FSTL4: variants seen among roughly 807,000 people sequenced by gnomAD.
FSTL4 encodes follistatin like 4, also known as follistatin-related protein 4.
FSTL4 carries 28 observed loss-of-function variants against 78.2 expected under a neutral mutation model. The observed-to-expected ratio is 0.36, with a 90% confidence interval of 0.27 to 0.49. The LOEUF (loss-of-function observed/expected upper bound fraction) is 0.49. FSTL4 is among the 20% of genes least tolerant of loss of function. The probability of loss-of-function intolerance (pLI) is 0.98; values close to 1 mark genes in which losing one functional copy is unlikely to be tolerated. For missense variants in FSTL4, 922 were observed against 1,084.9 expected (o/e 0.85, Z 2.11); for synonymous variants, 422 against 440.5 (o/e 0.96, Z 0.53).
chr5:133,450,562 G>A (rs553058144), intron 3 of FSTL4, among the ~76,000 whole-genome samples: 6 of 152,356 alleles, frequency 3.9e-5, no homozygotes, highest in South Asian at 2.1e-4. Context: ...ATGAGCAATC[G>A]ACATAATTTA....
At chr5:133,330,192 A>G (rs769343710) in intron 4 of FSTL4, among the ~76,000 whole-genome samples, 1 of 152,178 alleles carries the variant, frequency 6.6e-6, no homozygotes, top group Non-Finnish European at 1.5e-5. Context: ...GGTTTATTTT[A>G]TGCTCATCAC....
At chr5:133,631,222 T>A in the FSTL4 span, among the ~76,000 whole-genome samples, 3 of 151,754 alleles carry the variant, frequency 2.0e-5, no homozygotes, top group Non-Finnish European at 4.4e-5. Flanking sequence ...ACCTACAGAA[T>A]GGGAGAATAT....
chr5:133,336,376 C>G (rs1754465944), intron 4 of FSTL4, among the ~76,000 whole-genome samples: 1 of 152,244 alleles, frequency 6.6e-6, no homozygotes. Flanking sequence ...CCCTGCTCTC[C>G]AGAAGCCCAT....
chr5:133,624,607 A>C, the FSTL4 span, among the ~76,000 whole-genome samples: 1 of 151,938 alleles, frequency 6.6e-6, no homozygotes, highest in Non-Finnish European at 1.5e-5. Flanking sequence ...CAAACAAAAA[A>C]AAATACTCAA....
chr5:133,363,143 T>C (rs1228169122), intron 4 of FSTL4, among the ~76,000 whole-genome samples: 1 of 152,138 alleles, frequency 6.6e-6, no homozygotes, highest in Non-Finnish European at 1.5e-5. Context: ...TTCTTTATTT[T>C]CTCTTTTTGA....
At chr5:133,371,277 T>C (rs994481069) in intron 4 of FSTL4, among the ~76,000 whole-genome samples, 1 of 152,202 alleles carries the variant, frequency 6.6e-6, no homozygotes, top group African/African-American at 2.4e-5. Context: ...TGCCCATGTT[T>C]TGGGGCTGCC....
At chr5:133,525,215 C>T (rs1759066776) in intron 3 of FSTL4, among the ~76,000 whole-genome samples, 1 of 152,214 alleles carries the variant, frequency 6.6e-6, no homozygotes, top group Admixed American at 6.5e-5. Context: ...TGTGAATTCG[C>T]TTATCACGCA....
chr5:133,250,396 C>T (rs1035853049), intron 6 of FSTL4, among the ~76,000 whole-genome samples: 36 of 152,186 alleles, frequency 2.4e-4, no homozygotes, highest in African/African-American at 6.3e-4. Flanking sequence ...GGACTGGCTC[C>T]CTTTTGCTCT....
the FSTL4 span, among the ~76,000 whole-genome samples, chr5:133,634,523 C>A: frequency 2.4e-4 from 37 of 152,224 alleles, no homozygotes; most frequent in Admixed American, 2.2e-3. Context: ...CCTAAATTCC[C>A]TAATGAGTCT....
At chr5:133,508,904 G>C (rs544796860) in intron 3 of FSTL4, among the ~76,000 whole-genome samples, 52 of 152,162 alleles carry the variant, frequency 3.4e-4, no homozygotes, top group Non-Finnish European at 6.3e-4. Flanking sequence ...TCTTATATAA[G>C]GTAAGTGCTG....
intron 6 of FSTL4, among the ~76,000 whole-genome samples, chr5:133,284,585 G>A (rs1581592600): frequency 6.7e-6 from 1 of 150,298 alleles, no homozygotes; most frequent in South Asian, 2.1e-4. Context: ...TGCAGACACA[G>A]CCCCTGGCAT....
At chr5:133,355,913 G>A (rs1422989011) in intron 4 of FSTL4, among the ~76,000 whole-genome samples, 2 of 152,140 alleles carry the variant, frequency 1.3e-5, no homozygotes, top group African/African-American at 4.8e-5. Flanking sequence ...ATCGAGAACT[G>A]TCTGACTCTT....
At chr5:133,739,388 C>A in the FSTL4 span, among the ~76,000 whole-genome samples, 3 of 151,486 alleles carry the variant, frequency 2.0e-5, no homozygotes, top group Non-Finnish European at 4.4e-5. Flanking sequence ...GAGTCGCAGG[C>A]GAGGAACAGC....
intron 3 of FSTL4, among the ~76,000 whole-genome samples, chr5:133,473,777 T>TA (rs1757873259): frequency 6.6e-6 from 1 of 152,120 alleles, no homozygotes; most frequent in Admixed American, 6.5e-5. Context: ...TCAGGAAACT[T>TA]ACAATCATGG....
chr5:133,840,455 G>A, the FSTL4 span, among the ~76,000 whole-genome samples: 108 of 152,296 alleles, frequency 7.1e-4, 1 homozygote, highest in African/African-American at 2.5e-3. Context: ...TAAACACTCC[G>A]ATTTTCCAGT....
intron 4 of FSTL4, among the ~76,000 whole-genome samples, chr5:133,393,357 A>G (rs534802755): frequency 2.0e-5 from 3 of 152,286 alleles, no homozygotes; most frequent in African/African-American, 7.2e-5. Flanking sequence ...CCTTGAGGTC[A>G]GGCCCGGTGT....
chr5:133,643,634 T>C, the FSTL4 span, among the ~76,000 whole-genome samples: 8 of 152,112 alleles, frequency 5.3e-5, no homozygotes, highest in Admixed American at 5.2e-4. Context: ...ACCAAGCAGG[T>C]CATCCACCCC....
chr5:133,539,354 A>T lies in FSTL4; in HGVS notation c.160+27832T>A, dbSNP rs116312161. On this transcript the variant is annotated intron_variant, in intron 3 of 15. Coordinates refer to ENST00000265342, the MANE Select transcript of FSTL4 (RefSeq NM_015082.2). ...CAGCAGCACAAAATCCAGGATCGAA[A>T]TCAGGTTATCTGTTATCTAAATCAG... is the stretch of plus-strand genomic sequence containing the variant. 2.8e-3 allele frequency among the ~76,000 whole-genome samples: 424 copies of T among 152,174 alleles called. 6 individuals carry two copies. The highest frequency in any genetic ancestry group is 9.2e-3 in the African/African-American group (381 of 41,472).
chr5:133,652,583 AC>A, the FSTL4 span, among the ~76,000 whole-genome samples: 2 of 152,022 alleles, frequency 1.3e-5, no homozygotes, highest in Non-Finnish European at 2.9e-5. Context: ...ATTTACTTTT[AC>A]TTTTTGCTTG....
Sources: allele counts gnomAD v4.1 joint callset (sites outside exome capture counted in the v4.1 genomes callset), GRCh38; gene constraint gnomAD v4.1.1; transcripts MANE v1.5; gene names NCBI Gene and HGNC (gene_info 2026-07-23, HGNC 2026-07-21).